XKR9: variants seen among roughly 807,000 people sequenced by gnomAD.
The protein encoded by XKR9 is XK related 9, also known as XK-related protein 9.
Under a neutral mutation model 32.0 loss-of-function variants are expected in XKR9, and 32 were observed. The observed-to-expected ratio is 1.00, with a 90% CI of 0.76 to 1.34. The LOEUF (loss-of-function observed/expected upper bound fraction) is 1.34. Ranked by LOEUF, XKR9 falls within the 40% of genes most tolerant of loss-of-function variation. The probability of loss-of-function intolerance (pLI) is 0.00; values close to 1 mark genes in which losing one functional copy is unlikely to be tolerated. For missense variants in XKR9, 546 were observed against 429.7 expected (o/e 1.27, Z -2.39); for synonymous variants, 168 against 143.4 (o/e 1.17, Z -1.22).
At chr8:71,045,972 T>C in the XKR9 span, among the ~76,000 whole-genome samples, 1 of 151,942 alleles carries the variant, frequency 6.6e-6, no homozygotes, top group Non-Finnish European at 1.5e-5. Flanking sequence ...TACCCATGTA[T>C]CCTCCAATAG....
At chr8:70,849,196 T>C in the XKR9 span, among the ~76,000 whole-genome samples, 1 of 152,028 alleles carries the variant, frequency 6.6e-6, no homozygotes, top group African/African-American at 2.4e-5. Flanking sequence ...TGGTTGGAAG[T>C]AAAACACTCC....
At chr8:70,698,498 A>T (rs2132153065) in intron 3 of XKR9, among the ~76,000 whole-genome samples, 1 of 152,260 alleles carries the variant, frequency 6.6e-6, no homozygotes. Flanking sequence ...AGTGGTTTTG[A>T]GTGAGTTTCT....
chr8:70,776,126 G>T (rs547308995), intron 2 of XKR9, among the ~76,000 whole-genome samples: 3 of 152,130 alleles, frequency 2.0e-5, no homozygotes, highest in Non-Finnish European at 2.9e-5. Flanking sequence ...TTGAGAAATG[G>T]TTTCTCTTCC....
chr8:70,702,963 C>T (rs1434254418), intron 3 of XKR9, among the ~76,000 whole-genome samples: 2 of 152,162 alleles, frequency 1.3e-5, no homozygotes, highest in African/African-American at 4.8e-5. Flanking sequence ...CCAACACTCT[C>T]ATTGTTTCCC....
the XKR9 span, among the ~76,000 whole-genome samples, chr8:70,810,042 A>G: frequency 1.3e-5 from 2 of 152,196 alleles, no homozygotes; most frequent in African/African-American, 4.8e-5. Context: ...GCCAGAGAGA[A>G]AGGTGGGGTT....
downstream of XKR9, among the ~76,000 whole-genome samples, chr8:70,737,045 A>C (rs568382753): frequency 6.6e-6 from 1 of 152,216 alleles, no homozygotes; most frequent in African/African-American, 2.4e-5. Flanking sequence ...TTGAATCTAT[A>C]AATTACCTTC....
the XKR9 span, among the ~76,000 whole-genome samples, chr8:70,906,479 T>C: frequency 1.3e-5 from 2 of 152,334 alleles, no homozygotes; most frequent in Non-Finnish European, 2.9e-5. Context: ...TCCATGCATG[T>C]GTCCCTTTTG....
chr8:70,852,964 A>G, the XKR9 span, among the ~76,000 whole-genome samples: 1 of 152,126 alleles, frequency 6.6e-6, no homozygotes, highest in African/African-American at 2.4e-5. Context: ...ACAAACCTGC[A>G]CATTCTGCAT....
the XKR9 span, among the ~76,000 whole-genome samples, chr8:70,897,333 C>T: frequency 2.0e-5 from 3 of 152,180 alleles, no homozygotes; most frequent in Non-Finnish European, 4.4e-5. Flanking sequence ...GTGAATAGTG[C>T]TGCAATTAAC....
At chr8:70,921,882 C>T in the XKR9 span, among the ~76,000 whole-genome samples, 3 of 152,130 alleles carry the variant, frequency 2.0e-5, no homozygotes, top group Non-Finnish European at 2.9e-5. Flanking sequence ...AAATTGGGCA[C>T]TTTCATGTCA....
the XKR9 span, among the ~76,000 whole-genome samples, chr8:71,013,431 C>T: frequency 5.9e-5 from 9 of 152,108 alleles, no homozygotes; most frequent in Non-Finnish European, 1.3e-4. Context: ...TGAGGCAGTG[C>T]GGCATGGAGT....
the XKR9 span, among the ~76,000 whole-genome samples, chr8:70,842,784 C>T: frequency 6.6e-6 from 1 of 152,210 alleles, no homozygotes; most frequent in African/African-American, 2.4e-5. Flanking sequence ...AACAGGGCTG[C>T]CCCGCCACCT....
At chr8:71,060,460 C>G in the XKR9 span, among the ~76,000 whole-genome samples, 1 of 152,276 alleles carries the variant, frequency 6.6e-6, no homozygotes, top group South Asian at 2.1e-4. Context: ...AAATTGTCCC[C>G]TTGGAAAGCA....
the XKR9 span, among the ~76,000 whole-genome samples, chr8:70,949,978 A>G: frequency 2.0e-5 from 3 of 152,200 alleles, no homozygotes; most frequent in Non-Finnish European, 4.4e-5. Flanking sequence ...GCAAGGCTCT[A>G]TGGCCTCCCA....
the XKR9 span, among the ~76,000 whole-genome samples, chr8:70,869,340 C>T: frequency 1.3e-5 from 2 of 152,296 alleles, no homozygotes; most frequent in South Asian, 2.1e-4. Flanking sequence ...TTCCACATGG[C>T]TGGGGAGGCC....
chr8:70,816,431 CT>C, the XKR9 span, among the ~76,000 whole-genome samples: 1 of 152,142 alleles, frequency 6.6e-6, no homozygotes, highest in Non-Finnish European at 1.5e-5. Context: ...AAAAATATAT[CT>C]GGTTCTGTAT....
chr8:70,756,128 CTTTA>C (rs1010145816), intron 2 of XKR9, among the ~76,000 whole-genome samples: 7 of 152,100 alleles, frequency 4.6e-5, no homozygotes, highest in Non-Finnish European at 1.0e-4. Context: ...AAAAGATATT[CTTTA>C]TTCATTGACT....
chr8:70,679,157 G>T (rs1399495550), intron 2 of XKR9, among the ~76,000 whole-genome samples: 1 of 152,012 alleles, frequency 6.6e-6, no homozygotes, highest in Non-Finnish European at 1.5e-5. Context: ...CAGTCCTATT[G>T]CATCAGGGCT....
chr8:70,881,247 A>G, the XKR9 span, among the ~76,000 whole-genome samples: 182 of 152,344 alleles, frequency 1.2e-3, 6 homozygotes, highest in South Asian at 0.037. Context: ...AGTAATGTCA[A>G]CAAAAGCCAA....
Sources: gnomAD v4.1 joint callset for allele counts (sites outside exome capture counted in the v4.1 genomes callset) on GRCh38, gnomAD v4.1.1 for gene constraint, MANE v1.5 for transcripts, NCBI Gene and HGNC (gene_info 2026-07-23, HGNC 2026-07-21) for gene names.